Variants in FREM1 observed in about 807,000 individuals in gnomAD.
The protein encoded by FREM1 is FRAS1-related extracellular matrix protein 1.
In FREM1, 220 loss-of-function variants were observed where a neutral mutation model predicts 210.1. The ratio of observed to expected loss-of-function variants is 1.05; its 90% CI spans 0.94 to 1.17. The LOEUF is 1.17. Ranked by LOEUF, FREM1 falls within the 50% of genes most tolerant of loss-of-function variation. The pLI is 0.00. For missense variants in FREM1, 3,454 were observed against 2,675.5 expected (o/e 1.29, Z -6.42); for synonymous variants, 1,189 against 980.2 (o/e 1.21, Z -3.98).
At chr9:14,744,166 A>G (rs905129408) in intron 35 of FREM1, among the ~76,000 whole-genome samples, 3 of 152,164 alleles carry the variant, frequency 2.0e-5, no homozygotes, top group African/African-American at 7.2e-5. Context: ...CAGTTAAAAC[A>G]TGAAATACAC....
At chr9:14,900,764 T>C (rs916430255) in intron 1 of FREM1, among the ~76,000 whole-genome samples, 4 of 152,168 alleles carry the variant, frequency 2.6e-5, no homozygotes, top group African/African-American at 7.2e-5. Flanking sequence ...CACAAGTCAG[T>C]GGCACAGAGA....
intron 13 of FREM1, among the ~76,000 whole-genome samples, chr9:14,821,987 G>A (rs150655168): frequency 0.019 from 2,847 of 152,210 alleles, 92 homozygotes; most frequent in African/African-American, 0.065. Flanking sequence ...GTCAAGGATG[G>A]GGCCAGGTGG....
At chr9:14,792,987 G>A in intron 21 of FREM1, 103 bp from the exon 22 acceptor site, 2 of 686,784 alleles carry the variant, frequency 2.9e-6, no homozygotes, top group African/African-American at 1.8e-5. Context: ...CAACAATTAA[G>A]GAATGACATT....
At chr9:14,780,193 G>A (rs982269525) in intron 24 of FREM1, among the ~76,000 whole-genome samples, 1 of 152,070 alleles carries the variant, frequency 6.6e-6, no homozygotes, top group African/African-American at 2.4e-5. Context: ...GATCCATTTT[G>A]TTTAATTTCC....
intron 19 of FREM1, among the ~76,000 whole-genome samples, chr9:14,802,497 A>G (rs1021388992): frequency 9.2e-5 from 14 of 151,964 alleles, no homozygotes; most frequent in African/African-American, 3.4e-4. Flanking sequence ...TATACTTCCA[A>G]ATTTCCTGAA....
At chr9:14,889,408 A>G (rs1428988887) in intron 1 of FREM1, among the ~76,000 whole-genome samples, 1 of 152,040 alleles carries the variant, frequency 6.6e-6, no homozygotes, top group Non-Finnish European at 1.5e-5. Flanking sequence ...TTTCCCTTTT[A>G]TCTTAATGTC....
chr9:14,870,325 G>T (rs1213395762), intron 1 of FREM1, among the ~76,000 whole-genome samples: 1 of 152,156 alleles, frequency 6.6e-6, no homozygotes. Context: ...TACCTGAGGG[G>T]TGTACACTTT....
At position 14,816,190 on chromosome 9, in the gene FREM1, C is replaced by A. The variant is rs11999249; in HGVS notation, c.2640+588G>T. Among the ~76,000 whole-genome samples, 1,310 of 152,196 alleles carry A rather than the reference C, an allele frequency of 8.6e-3. 14 individuals carry two copies. Among genetic ancestry groups the A allele is most frequent in the African/African-American group, 0.03 (1,234 of 41,532 alleles). On this transcript the variant is annotated intron_variant, in intron 15 of 36. Transcript: ENST00000380880. ...AATAATTTATACATAGAATAAATTA[C>A]TTTTAAAATTAAATATCTATGTTTG...
rs1180770555 is a variant in FREM1 at position 14,801,644 on chromosome 9, T to C, written c.3694+8A>G. The C allele has an allele frequency of 5.7e-6, 9 of 1,571,160 alleles. 1 individual carries two copies. In the South Asian group the frequency reaches 6.7e-5, roughly 12 times the overall value. On this transcript the variant is annotated splice_region_variant and intron_variant, in intron 20 of 36. Coordinates refer to ENST00000380880, the MANE Select transcript of FREM1 (RefSeq NM_001379081.2). Reference sequence around the variant, plus strand: ...ATAACAAATGCATGGAAGTGGAACATGCTATACCAGTCTTGAGGAGTTCCA... The same window carrying C: ...ATAACAAATGCATGGAAGTGGAACACGCTATACCAGTCTTGAGGAGTTCCA...
chr9:14,794,959 C>G (rs1233699783), intron 21 of FREM1, among the ~76,000 whole-genome samples: 1 of 146,720 alleles, frequency 6.8e-6, no homozygotes, highest in African/African-American at 2.6e-5. Context: ...CATCGTGCCA[C>G]TGCACTCCAG....
chr9:14,815,755 C>T (rs1475504310), intron 15 of FREM1, among the ~76,000 whole-genome samples: 2 of 152,158 alleles, frequency 1.3e-5, no homozygotes, highest in East Asian at 1.9e-4. Context: ...TCAAGCGATT[C>T]TCCTGCCTCA....
At chr9:14,844,131 A>G (rs1274486555) in intron 8 of FREM1, among the ~76,000 whole-genome samples, 3 of 152,190 alleles carry the variant, frequency 2.0e-5, no homozygotes, top group Non-Finnish European at 2.9e-5. Context: ...CTCTGAACCC[A>G]GACCATCAAT....
intron 3 of FREM1, among the ~76,000 whole-genome samples, chr9:14,861,411 A>T (rs1372112024): frequency 6.7e-6 from 1 of 149,430 alleles, no homozygotes; most frequent in East Asian, 1.9e-4. Context: ...AATGGGGTAC[A>T]TGAGATACTT....
At chr9:14,762,311 G>C (rs1220780477) in intron 27 of FREM1, among the ~76,000 whole-genome samples, 1 of 152,180 alleles carries the variant, frequency 6.6e-6, no homozygotes, top group African/African-American at 2.4e-5. Flanking sequence ...GCCATCAGTA[G>C]GGTTCAAATG....
At chr9:14,868,490 A>G (rs745865161) in intron 2 of FREM1, among the ~76,000 whole-genome samples, 1 of 152,220 alleles carries the variant, frequency 6.6e-6, no homozygotes, top group Non-Finnish European at 1.5e-5. Flanking sequence ...TCAGGATTAA[A>G]TCCTGCTGGT....
intron 24 of FREM1, chr9:14,782,213 C>T (rs1196666723): frequency 3.5e-6 from 1 of 288,856 alleles, no homozygotes; most frequent in African/African-American, 2.3e-5. Context: ...TGGCAATTAT[C>T]TGAGGATCCA....
chr9:14,850,217 C>T (rs1253877208), intron 6 of FREM1, among the ~76,000 whole-genome samples: 1 of 152,082 alleles, frequency 6.6e-6, no homozygotes, highest in East Asian at 1.9e-4. Context: ...CCACTAACTA[C>T]AAAACAGAGG....
At chr9:14,860,604 CAT>C (rs1438337232) in intron 3 of FREM1, among the ~76,000 whole-genome samples, 5 of 86,158 alleles carry the variant, frequency 5.8e-5, no homozygotes, top group Admixed American at 1.3e-4. Context: ...CATATATACA[CAT>C]ATATACACAC....
chr9:14,803,837 G>T (rs1228738621), intron 19 of FREM1, among the ~76,000 whole-genome samples: 1 of 152,122 alleles, frequency 6.6e-6, no homozygotes, highest in Non-Finnish European at 1.5e-5. Context: ...TATTAAAGTG[G>T]CATCATAGTT....
Sources: allele counts gnomAD v4.1 joint callset (sites outside exome capture counted in the v4.1 genomes callset), GRCh38; gene constraint gnomAD v4.1.1; transcripts MANE v1.5; gene names NCBI Gene and HGNC (gene_info 2026-07-23, HGNC 2026-07-21).